KIF7: variants seen among roughly 807,000 people sequenced by gnomAD.
KIF7 encodes the protein kinesin family member 7.
In KIF7, 104 loss-of-function variants were observed where a neutral mutation model predicts 135.7. The observed-to-expected ratio is 0.77, with a 90% CI of 0.65 to 0.90. The LOEUF (loss-of-function observed/expected upper bound fraction) is 0.90, where lower values mean the gene tolerates loss of function less well. KIF7 is among the 40% of genes least tolerant of loss of function. The pLI is 0.00. For missense variants in KIF7, 2,005 were observed against 1,839.1 expected (o/e 1.09, Z -1.65); for synonymous variants, 883 against 809.4 (o/e 1.09, Z -1.54).
intron 17 of KIF7, 31 bp downstream of exon 17, chr15:89,629,344 G>A (rs372814725): frequency 2.7e-5 from 42 of 1,544,006 alleles, no homozygotes; most frequent in Admixed American, 2.3e-4. Context: ...GGAGGGGGCC[G>A]GGGTTGTGAG....
the KIF7 span, among the ~76,000 whole-genome samples, chr15:89,662,364 G>A: frequency 2.6e-5 from 4 of 152,160 alleles, no homozygotes; most frequent in African/African-American, 4.8e-5. Context: ...GGGCATGGTG[G>A]CGCACACCTG....
Position 89,646,950 on chromosome 15 carries a change from G to C in KIF7, c.1668C>G (p.Pro556=). The C allele has an allele frequency of 5.6e-6, 9 of 1,613,812 alleles. No homozygotes were observed. Among genetic ancestry groups the C allele is most frequent in the Non-Finnish European group, 6.8e-6 (8 of 1,179,926 alleles). ...GGPRLLNGLP[P]GSFVPRPHTA... is the part of the protein sequence containing the mutation. ...TATGAGGTCGAGGCACAAAGGACCC[G>C]GGAGGCAGGCCATTCAGGAGCCGCG... The change falls in exon 7 of 19, where the codon CCC becomes CCG. Residue 556 remains proline, a synonymous_variant. Coordinates refer to ENST00000394412, the MANE Select transcript of KIF7 (RefSeq NM_198525.3).
intron 13 of KIF7, 35 bp downstream of exon 13, chr15:89,633,106 G>A: frequency 6.2e-6 from 10 of 1,601,176 alleles, no homozygotes; most frequent in Non-Finnish European, 8.5e-6. Context: ...CCAGCCCCCA[G>A]GGGAGCCCTG....
At position 89,630,493 on chromosome 15, in the gene KIF7, C is replaced by A; in HGVS notation, c.3112G>T (p.Glu1038Ter). 6.6e-7 allele frequency: 1 copy of A among 1,507,656 alleles called. No individual in the cohort carries two copies. The highest frequency in any genetic ancestry group is 8.9e-7 in the Non-Finnish European group (1 of 1,127,328). The allele number at this position is 1,507,656 out of a possible 1,614,324, so 93.4% of individuals were successfully genotyped here. A position where few individuals can be genotyped will look rare whatever the true frequency, so the allele number is the denominator to read the frequency against. Reference protein sequence around the residue: ...LRQGSLLSPEEERTLFQLDEA... With the variant: ...LRQGSLLSPE ...TCCAACTGGAACAGCGTCCGCTCCTCCTGCAGAGACGGGCACGCGTGGAGG... is the reference window on the plus strand; with the variant it reads ...TCCAACTGGAACAGCGTCCGCTCCTACTGCAGAGACGGGCACGCGTGGAGG... The change falls in exon 16 of 19, where the codon GAG becomes TAG. Residue 1038 changes from glutamate to a stop codon, truncating the protein, a stop_gained and splice_region_variant. Transcript: ENST00000394412. LOFTEE classifies it high-confidence loss of function.
intron 11 of KIF7, 88 bp downstream of exon 11, chr15:89,642,115 C>G: frequency 7.2e-7 from 1 of 1,385,764 alleles, no homozygotes; most frequent in Non-Finnish European, 1.0e-6. Flanking sequence ...GAACTTGGGC[C>G]TCAGAGCCCA....
At chr15:89,624,882 C>A (rs147351837), downstream of KIF7, 4 of 1,614,010 alleles carry the variant, frequency 2.5e-6, no homozygotes, top group Non-Finnish European at 3.4e-6. Context: ...CTTCCCGTGA[C>A]GTGCACTGTA....
downstream of KIF7, chr15:89,627,319 C>T: frequency 4.0e-6 from 2 of 502,970 alleles, no homozygotes; most frequent in Admixed American, 3.5e-5. Context: ...GGTGCTATAA[C>T]TCAGGCAGCC....
rs1964085010 is a variant in KIF7, at chr15:89,649,349, T to A, written c.548A>T (p.Glu183Val). The A allele has an allele frequency of 1.4e-6, 2 of 1,464,614 alleles. No homozygotes were observed. The highest frequency in any genetic ancestry group is 5.0e-5 in the East Asian group (2 of 40,068). 90.7% of individuals were successfully genotyped at this position (1,464,614 alleles called of 1,614,324 possible). A position where few individuals can be genotyped will look rare whatever the true frequency, so the allele number is the denominator to read the frequency against. The part of the protein sequence containing the change: ...RGNVVLCGVK[E>V]VDVEGLDEVL... ...CTCATCCAGGCCCTCCACGTCGACC[T>A]CCTTCACCCCGCACAGCACTGCGGG... Residue 183 changes from glutamate (E) to valine (V), a missense_variant, in exon 4 of 19, where the codon GAG (glutamate) becomes GTG (valine). Glu to Val is a moderately radical substitution (Grantham distance 121). Transcript: ENST00000394412.
chr15:89,645,100 G>A lies in KIF7; in HGVS notation c.2104C>T (p.Arg702Trp), dbSNP rs781032745. 1.9e-5 allele frequency: 30 copies of A among 1,605,808 alleles called. No individual in the cohort carries two copies. The highest frequency in any genetic ancestry group is 6.7e-5 in the East Asian group (3 of 44,888). The change falls in exon 10 of 19, where the codon CGG (arginine) becomes TGG (tryptophan). Residue 702 changes from arginine to tryptophan, a missense_variant. By Grantham distance (101) the Arg-to-Trp change is moderately radical. Coordinates refer to ENST00000394412, the MANE Select transcript of KIF7 (RefSeq NM_198525.3). The stretch of plus-strand genomic sequence containing the variant: ...ATCTTCTGCTGGGCCTGGGCCAGCC[G>A]CCACTCTGAGGCTGTGGCAGGGGGG... ...QVPPATASEW[R>W]LAQAQQKIRE...
At chr15:89,653,113 C>A (rs1964151397) in intron 1 of KIF7, among the ~76,000 whole-genome samples, 159 bp from the exon 2 acceptor site, 1 of 152,178 alleles carries the variant, frequency 6.6e-6, no homozygotes, top group Admixed American at 6.5e-5. Flanking sequence ...ACCTGGTGCT[C>A]AAAAATTGCA....
upstream of KIF7, among the ~76,000 whole-genome samples, chr15:89,659,051 A>G (rs1005145641): frequency 1.3e-5 from 2 of 152,126 alleles, no homozygotes; most frequent in African/African-American, 2.4e-5. Flanking sequence ...CAAAACTGCA[A>G]ACCACGAAGG....
chr15:89,647,132 G>A, intron 6 of KIF7, 75 bp from the exon 7 acceptor site: 3 of 1,277,174 alleles, frequency 2.3e-6, no homozygotes, highest in South Asian at 2.5e-5. Context: ...TGAGGAACAG[G>A]TCTGAGGCCA....
intron 7 of KIF7, among the ~76,000 whole-genome samples, chr15:89,646,589 C>T (rs1434661013): frequency 6.6e-6 from 1 of 152,184 alleles, no homozygotes; most frequent in African/African-American, 2.4e-5. Flanking sequence ...GTAACCTCCT[C>T]ATTCCAAGCG....
At position 89,630,277 on chromosome 15, in the gene KIF7, G is replaced by A. The variant is rs1963644029; in HGVS notation, c.3318+10C>T. On this transcript the variant is annotated intron_variant, in intron 16 of 18. Coordinates refer to ENST00000394412, the MANE Select transcript of KIF7 (RefSeq NM_198525.3). The stretch of plus-strand genomic sequence containing the variant: ...AGGAGGAGCTGGGGGGCCATGGGCT[G>A]CTGGCCCACCTTGTCAAAATACTTG... 1 of 1,613,130 alleles carries A rather than the reference G, an allele frequency of 6.2e-7. No individual in the cohort carries two copies.
At chr15:89,635,333 C>CT (rs201324967) in intron 11 of KIF7, among the ~76,000 whole-genome samples, 1 of 152,234 alleles carries the variant, frequency 6.6e-6, no homozygotes, top group African/African-American at 2.4e-5. Flanking sequence ...TGGAGAATGA[C>CT]TTTGACGAGC....
Position 89,647,068 on chromosome 15 carries a change from T to C in KIF7, c.1561-11A>G. On this transcript the variant is annotated splice_polypyrimidine_tract_variant and intron_variant, in intron 6 of 18. Transcript: ENST00000394412. The stretch of plus-strand genomic sequence containing the variant: ...ACGCAGCCGGTCGCTCTGCAAGACA[T>C]GGTCCAGGTGCCAAGGGGGCATGAA... The C allele has an allele frequency of 2.6e-6, 4 of 1,568,068 alleles. No individual in the cohort carries two copies. The highest frequency in any genetic ancestry group is 3.4e-6 in the Non-Finnish European group (4 of 1,159,612).
At chr15:89,626,530 A>G (rs1408365949), downstream of KIF7, among the ~76,000 whole-genome samples, 1 of 152,064 alleles carries the variant, frequency 6.6e-6, no homozygotes, top group Non-Finnish European at 1.5e-5. Flanking sequence ...AAAGACAAGG[A>G]TTTGGCCTGT....
chr15:89,652,731 T>C lies in KIF7; in HGVS notation c.200A>G (p.Gln67Arg). ...AACGCAGGCCTGGTACACGGCCTCCTGCCCCGCATCCTCGGCCAGCACCAC... is the reference window on the plus strand; with the variant it reads ...AACGCAGGCCTGGTACACGGCCTCCCGCCCCGCATCCTCGGCCAGCACCAC... ...FHVVLAEDAG[Q>R]EAVYQACVQP... The change falls in exon 2 of 19, where the codon CAG becomes CGG. Residue 67 changes from glutamine to arginine, a missense_variant. Transcript: ENST00000394412. 1 of 1,551,752 alleles carries C rather than the reference T, an allele frequency of 6.4e-7. No individual in the cohort carries two copies. The highest frequency in any genetic ancestry group is 8.7e-7 in the Non-Finnish European group (1 of 1,146,980).
At position 89,629,602 on chromosome 15, in the gene KIF7, C is replaced by G. The variant is rs747801889; in HGVS notation, c.3319-29G>C. 8.7e-6 allele frequency: 14 copies of G among 1,601,392 alleles called. No homozygotes were observed. The East Asian group carries it at 1.8e-4, about 20-fold the overall frequency. On this transcript the variant is annotated intron_variant, in intron 16 of 18. Transcript: ENST00000394412. ...TCCCAAGACCCAGCCAGGCTCAGCC[C>G]TCATCATGACCCCTCTTCATCCAGC...
Sources: allele counts gnomAD v4.1 joint callset (sites outside exome capture counted in the v4.1 genomes callset), GRCh38; gene constraint gnomAD v4.1.1; transcripts MANE v1.5; gene names NCBI Gene and HGNC (gene_info 2026-07-23, HGNC 2026-07-21).